The following CHST11 variants were observed in gnomAD, a reference collection of about 807,000 sequenced individuals.
The protein encoded by CHST11 is carbohydrate sulfotransferase 11, also known as C4S-1.
A neutral mutation model predicts 30.4 loss-of-function variants in CHST11; 9 were observed. The observed-to-expected ratio is 0.30, with a 90% confidence interval of 0.18 to 0.52. The LOEUF is 0.52. CHST11 is among the 20% of genes least tolerant of loss of function. The probability of loss-of-function intolerance (pLI) is 0.97; values close to 1 mark genes in which losing one functional copy is unlikely to be tolerated. For synonymous variants in CHST11, 152 were observed against 187.8 expected (o/e 0.81, Z 1.56); for missense variants, 348 against 460.6 (o/e 0.76, Z 2.24).
At chr12:104,573,781 A>G (rs1464095914) in intron 1 of CHST11, among the ~76,000 whole-genome samples, 2 of 152,250 alleles carry the variant, frequency 1.3e-5, no homozygotes, top group Non-Finnish European at 2.9e-5. Context: ...AGGCAATACC[A>G]TTTAGGACAT....
At chr12:104,488,607 G>A (rs1593965058) in intron 1 of CHST11, among the ~76,000 whole-genome samples, 1 of 148,974 alleles carries the variant, frequency 6.7e-6, no homozygotes, top group African/African-American at 2.5e-5. Context: ...ATGCGTATGT[G>A]TGTATGTATG....
chr12:104,482,665 C>A (rs2037638420), intron 1 of CHST11, among the ~76,000 whole-genome samples: 1 of 152,084 alleles, frequency 6.6e-6, no homozygotes, highest in Non-Finnish European at 1.5e-5. Context: ...CTAGTGTGTG[C>A]CCGGAGCTTC....
At chr12:104,485,733 A>G (rs1048417085) in intron 1 of CHST11, among the ~76,000 whole-genome samples, 1 of 152,146 alleles carries the variant, frequency 6.6e-6, no homozygotes, top group Non-Finnish European at 1.5e-5. Context: ...CAACTTTAAC[A>G]TTCATAACCA....
At chr12:104,478,180 T>TACAC (rs199755138) in intron 1 of CHST11, among the ~76,000 whole-genome samples, 28 of 151,462 alleles carry the variant, frequency 1.8e-4, no homozygotes, top group African/African-American at 3.1e-4. Context: ...TGCTGATCGT[T>TACAC]ACACACACAC....
At chr12:104,476,416 C>T (rs1384092080) in intron 1 of CHST11, among the ~76,000 whole-genome samples, 1 of 151,822 alleles carries the variant, frequency 6.6e-6, no homozygotes, top group East Asian at 1.9e-4. Context: ...GTGTATTTTG[C>T]TTTTTCCATG....
rs535590032 is a variant in CHST11 at position 104,721,017 on chromosome 12, C to G, written c.205-35932C>G. On this transcript the variant is annotated intron_variant, in intron 2 of 2. Transcript: ENST00000303694. ...GGGCCGGGGCTGGTCCTCGGCTAAG[C>G]TGGCTTCCTTGGTTTTTCTAAAGGA... Among the ~76,000 whole-genome samples the G allele has an allele frequency of 1.2e-3, 183 of 152,276 alleles. 1 individual carries two copies. Among genetic ancestry groups the G allele is most frequent in the African/African-American group, 4.2e-3 (175 of 41,564 alleles).
chr12:104,598,732 T>G (rs1447286970), intron 1 of CHST11, among the ~76,000 whole-genome samples: 2 of 152,238 alleles, frequency 1.3e-5, no homozygotes, highest in Non-Finnish European at 2.9e-5. Flanking sequence ...TTGACTCTCC[T>G]TCTCATCCTT....
intron 2 of CHST11, among the ~76,000 whole-genome samples, chr12:104,657,340 A>T (rs781273105): frequency 6.6e-6 from 1 of 152,228 alleles, no homozygotes; most frequent in Non-Finnish European, 1.5e-5. Flanking sequence ...TGTGTTTTAA[A>T]ATACAAGCCT....
intron 2 of CHST11, among the ~76,000 whole-genome samples, chr12:104,699,423 A>G (rs911620635): frequency 1.3e-5 from 2 of 152,226 alleles, no homozygotes; most frequent in Non-Finnish European, 1.5e-5. Flanking sequence ...ATTGAGTGAA[A>G]TAAATGATTA....
chr12:104,468,162 G>C (rs2037476017), intron 1 of CHST11, among the ~76,000 whole-genome samples: 1 of 151,820 alleles, frequency 6.6e-6, no homozygotes, highest in South Asian at 2.1e-4. Context: ...TGAAGTGGCA[G>C]TGGTGGGGGG....
intron 2 of CHST11, among the ~76,000 whole-genome samples, chr12:104,669,366 G>A (rs1321808628): frequency 3.3e-5 from 5 of 152,218 alleles, no homozygotes; most frequent in African/African-American, 7.2e-5. Context: ...TATTTGGAGA[G>A]CTTTGCTTGT....
intron 1 of CHST11, among the ~76,000 whole-genome samples, chr12:104,573,440 C>T (rs9705782): frequency 0.58 from 86,476 of 149,010 alleles, 24,696 homozygotes; most frequent in Middle Eastern, 0.66. Context: ...GGAGGCATCA[C>T]GCTACCTGAC....
chr12:104,468,898 G>A (rs1479499537), intron 1 of CHST11, among the ~76,000 whole-genome samples: 2 of 152,112 alleles, frequency 1.3e-5, no homozygotes, highest in Non-Finnish European at 2.9e-5. Context: ...AATGCATTGG[G>A]AATGGATGTA....
chr12:104,689,256 A>G (rs2039875745), intron 2 of CHST11, among the ~76,000 whole-genome samples: 1 of 152,236 alleles, frequency 6.6e-6, no homozygotes, highest in Non-Finnish European at 1.5e-5. Flanking sequence ...ACCCAACCTG[A>G]AACCTCAGGG....
chr12:104,629,790 C>G (rs1352651345), intron 2 of CHST11, among the ~76,000 whole-genome samples: 1 of 152,174 alleles, frequency 6.6e-6, no homozygotes, highest in Non-Finnish European at 1.5e-5. Context: ...GCACTGCACT[C>G]CAGCCTGGGC....
intron 2 of CHST11, among the ~76,000 whole-genome samples, chr12:104,682,519 A>G (rs2039807071): frequency 6.6e-6 from 1 of 152,226 alleles, no homozygotes; most frequent in African/African-American, 2.4e-5. Context: ...ATCGGACACA[A>G]GTGGATCATT....
chr12:104,753,843 G>A (rs955407877), intron 2 of CHST11, among the ~76,000 whole-genome samples: 1 of 152,208 alleles, frequency 6.6e-6, no homozygotes. Context: ...TATCTACTGT[G>A]TTCAGGCCAC....
At chr12:104,615,998 G>A (rs990716827) in intron 2 of CHST11, among the ~76,000 whole-genome samples, 1 of 152,098 alleles carries the variant, frequency 6.6e-6, no homozygotes, top group Non-Finnish European at 1.5e-5. Flanking sequence ...TGATGAATCC[G>A]GACATGTGAA....
chr12:104,682,496 A>G (rs1265551335), intron 2 of CHST11, among the ~76,000 whole-genome samples: 2 of 152,214 alleles, frequency 1.3e-5, no homozygotes, highest in East Asian at 3.9e-4. Context: ...TGACAAGCAA[A>G]CCCTCCCTGG....
Sources: gnomAD v4.1 joint callset for allele counts (sites outside exome capture counted in the v4.1 genomes callset) on GRCh38, gnomAD v4.1.1 for gene constraint, MANE v1.5 for transcripts, NCBI Gene and HGNC (gene_info 2026-07-23, HGNC 2026-07-21) for gene names.